The following NEK1 variants were observed in gnomAD, a reference collection of about 807,000 sequenced individuals.
NEK1 encodes the protein NIMA related kinase 1.
In NEK1, 137 loss-of-function variants were observed where a neutral mutation model predicts 182.1. The observed-to-expected ratio is 0.75, with a 90% CI of 0.65 to 0.87. The LOEUF (loss-of-function observed/expected upper bound fraction) is 0.87, where lower values mean the gene tolerates loss of function less well. Among genes scored for constraint, NEK1 ranks in the 40% least tolerant of loss-of-function variants. The pLI is 0.00. For synonymous variants in NEK1, 513 were observed against 492.2 expected (o/e 1.04, Z -0.56); for missense variants, 1,391 against 1,494.4 (o/e 0.93, Z 1.14).
chr4:169,547,421 C>T (rs1760689820), intron 18 of NEK1, among the ~76,000 whole-genome samples: 1 of 152,114 alleles, frequency 6.6e-6, no homozygotes, highest in Non-Finnish European at 1.5e-5. Context: ...TCCTTCATTT[C>T]AACCTTGGTG....
chr4:169,449,762 C>T (rs1429483016), intron 27 of NEK1, among the ~76,000 whole-genome samples: 1 of 152,152 alleles, frequency 6.6e-6, no homozygotes, highest in Non-Finnish European at 1.5e-5. Context: ...AATCAGAGCA[C>T]CTCCTCTCCT....
Position 169,400,642 on chromosome 4 carries a change from T to C in NEK1, c.3593A>G (p.Asp1198Gly). 1 of 1,584,768 alleles carries C rather than the reference T, an allele frequency of 6.3e-7. No homozygotes were observed. The highest frequency in any genetic ancestry group is 8.6e-7 in the Non-Finnish European group (1 of 1,164,586). The change falls in exon 34 of 36, where the codon GAT becomes GGT. Residue 1198 changes from aspartate to glycine, a missense_variant. Physicochemically the swap from Asp to Gly is moderately conservative, Grantham distance 94 (BLOSUM62 -1). This residue lies in a region of NEK1 where 1,216 missense variants were observed against 1,277.6 expected (regional missense o/e 0.95). Coordinates refer to ENST00000507142, the MANE Select transcript of NEK1 (RefSeq NM_001199397.3). ...TTCACATTCACTAGCAATTTCACCA[T>C]CACTGTTATCTAAAAAACAAAATTA... ...LNEEWHSDNS[D>G]GEIASECECD...
In NEK1 at chr4:169,602,637, T is replaced by C; in HGVS notation, c.-7A>G. ...GTCTAACATACTTCTCCATGATTCT[T>C]TTTCTAAGGCATCTTTACAGATATG... On this transcript the variant is annotated 5_prime_UTR_variant, in exon 3 of 36. Coordinates refer to ENST00000507142, the MANE Select transcript of NEK1 (RefSeq NM_001199397.3). The C allele has an allele frequency of 6.8e-7, 1 of 1,472,704 alleles. No individual in the cohort carries two copies. Among genetic ancestry groups the C allele is most frequent in the East Asian group, 2.3e-5 (1 of 43,876 alleles). The allele number at this position is 1,472,704 out of a possible 1,614,324, so 91.2% of individuals were successfully genotyped here. A position where few individuals can be genotyped will look rare whatever the true frequency, so the allele number is the denominator to read the frequency against.
At chr4:169,555,538 C>A in intron 18 of NEK1, 182 bp downstream of exon 18, 1 of 501,850 alleles carries the variant, frequency 2.0e-6, no homozygotes. Flanking sequence ...AACTGGAAAG[C>A]TACATGCTTT....
chr4:169,476,071 A>C (rs900855222), intron 26 of NEK1, among the ~76,000 whole-genome samples: 7 of 152,218 alleles, frequency 4.6e-5, no homozygotes, highest in African/African-American at 1.4e-4. Flanking sequence ...ATAAACCCAA[A>C]GACACAAGAA....
intron 12 of NEK1, among the ~76,000 whole-genome samples, chr4:169,574,312 T>C (rs1327924729): frequency 6.6e-6 from 1 of 151,962 alleles, no homozygotes; most frequent in Non-Finnish European, 1.5e-5. Context: ...AAGACAAGGG[T>C]TGGCGGGGCG....
At chr4:169,571,652 A>G (rs1764871733) in intron 12 of NEK1, among the ~76,000 whole-genome samples, 1 of 152,198 alleles carries the variant, frequency 6.6e-6, no homozygotes, top group South Asian at 2.1e-4. Context: ...TACCGGGACT[A>G]GCAAGGGAAG....
rs1579882915 is a variant in NEK1, at chr4:169,463,528, G to T, written c.2435-133C>A. On this transcript the variant is annotated intron_variant, in intron 26 of 35. Coordinates refer to ENST00000507142, the MANE Select transcript of NEK1 (RefSeq NM_001199397.3). ...AAGGTTATATCACAAAGACTTTCAGGGAAAGAATGATGAATAATGGCAAGA... is the reference window on the plus strand; with the variant it reads ...AAGGTTATATCACAAAGACTTTCAGTGAAAGAATGATGAATAATGGCAAGA... The T allele has an allele frequency of 1.1e-5, 5 of 468,062 alleles. No individual in the cohort carries two copies. In the East Asian group the frequency reaches 1.7e-4, roughly 16 times the overall value. 29.0% of individuals were successfully genotyped at this position (468,062 alleles called of 1,614,324 possible).
chr4:169,548,510 C>T (rs1419493664), intron 18 of NEK1, among the ~76,000 whole-genome samples: 1 of 152,246 alleles, frequency 6.6e-6, no homozygotes, highest in African/African-American at 2.4e-5. Context: ...GGGAGATCTG[C>T]TGCTCTCTTC....
chr4:169,573,566 G>A (rs769622072), intron 12 of NEK1, among the ~76,000 whole-genome samples: 1 of 152,172 alleles, frequency 6.6e-6, no homozygotes, highest in Non-Finnish European at 1.5e-5. Flanking sequence ...GGGCAAGAGA[G>A]CTGACCATTT....
chr4:169,431,461 T>C (rs186403378), intron 29 of NEK1, among the ~76,000 whole-genome samples: 62 of 152,182 alleles, frequency 4.1e-4, no homozygotes, highest in Non-Finnish European at 7.1e-4. Context: ...AACCGATACA[T>C]AACAATGCCA....
chr4:169,589,526 A>G lies in NEK1; in HGVS notation c.397-12T>C. ...GTTAAAAATATGTTCTGTAAAAGAC[A>G]GGAAAAAAAAAAACCCTAGAAATAT... On this transcript the variant is annotated splice_polypyrimidine_tract_variant and intron_variant, in intron 6 of 35. Transcript: ENST00000507142. 7.1e-7 allele frequency: 1 copy of G among 1,406,868 alleles called. No individual in the cohort carries two copies. Among genetic ancestry groups the G allele is most frequent in the Admixed American group, 2.4e-5 (1 of 41,456 alleles). The allele number at this position is 1,406,868 out of a possible 1,614,324, so 87.1% of individuals were successfully genotyped here.
At chr4:169,571,710 T>C (rs1764883135) in intron 12 of NEK1, among the ~76,000 whole-genome samples, 1 of 152,008 alleles carries the variant, frequency 6.6e-6, no homozygotes, top group South Asian at 2.1e-4. Flanking sequence ...GGGGGCTTTG[T>C]AGACAGTTGT....
chr4:169,569,816 T>C (rs1397550030), intron 12 of NEK1, among the ~76,000 whole-genome samples: 1 of 152,032 alleles, frequency 6.6e-6, no homozygotes, highest in Non-Finnish European at 1.5e-5. Flanking sequence ...CAGGCTGGAG[T>C]GCAGTGTCGT....
chr4:169,516,515 C>T (rs1439300742), intron 19 of NEK1, among the ~76,000 whole-genome samples: 2 of 93,710 alleles, frequency 2.1e-5, no homozygotes, highest in Admixed American at 2.2e-4. Context: ...TAATTAGATC[C>T]CATTTGTCAA....
chr4:169,419,322 T>C (rs1184191108), intron 31 of NEK1, among the ~76,000 whole-genome samples: 2 of 150,982 alleles, frequency 1.3e-5, no homozygotes, highest in Non-Finnish European at 3.0e-5. Context: ...AACACTTTCA[T>C]ACAAACAAAA....
intron 28 of NEK1, among the ~76,000 whole-genome samples, chr4:169,435,982 C>A (rs1376956542): frequency 1.3e-5 from 2 of 152,312 alleles, no homozygotes; most frequent in East Asian, 1.9e-4. Flanking sequence ...TGGCTCACTG[C>A]AGCCTCAAAC....
chr4:169,441,803 T>A (rs773043973), intron 27 of NEK1, among the ~76,000 whole-genome samples: 54 of 151,908 alleles, frequency 3.6e-4, no homozygotes, highest in Non-Finnish European at 6.0e-4. Context: ...CTGCCCAACA[T>A]AAACTGCCTG....
In NEK1 at chr4:169,472,065, C is replaced by A. The variant is rs150636883; in HGVS notation, c.2434+5059G>T. Among the ~76,000 whole-genome samples the A allele has an allele frequency of 9.4e-3, 1,426 of 152,106 alleles. 18 individuals carry two copies. Among genetic ancestry groups the A allele is most frequent in the African/African-American group, 0.032 (1,342 of 41,486 alleles). ...TGTGGGGCTCCGTGGGGGTGGGATCCGCTGAGCAATACCACTCGGGTCCCT... is the reference window on the plus strand; with the variant it reads ...TGTGGGGCTCCGTGGGGGTGGGATCAGCTGAGCAATACCACTCGGGTCCCT... On this transcript the variant is annotated intron_variant, in intron 26 of 35. Coordinates refer to ENST00000507142, the MANE Select transcript of NEK1 (RefSeq NM_001199397.3).
Sources: gnomAD v4.1 joint callset for allele counts (sites outside exome capture counted in the v4.1 genomes callset) on GRCh38, gnomAD v4.1.1 for gene constraint, gnomAD v4.1.1 regional missense constraint, MANE v1.5 for transcripts, NCBI Gene and HGNC (gene_info 2026-07-23, HGNC 2026-07-21) for gene names.